CLU: variants seen among roughly 807,000 people sequenced by gnomAD.
CLU encodes the protein aging-associated protein 4.
A neutral mutation model predicts 46.4 loss-of-function variants in CLU; 25 were observed. The observed-to-expected ratio is 0.54, with a 90% CI of 0.39 to 0.75. CLU has a LOEUF of 0.75. CLU is among the 30% of genes least tolerant of loss of function. The pLI, the probability that CLU is intolerant of heterozygous loss-of-function variation, is 0.00. For synonymous variants in CLU, 235 were observed against 235.1 expected, an observed-to-expected ratio of 1.00 and a Z score of 0.00; for missense variants, 504 against 592.1, an observed-to-expected ratio of 0.85 and a Z score of 1.54.
chr8:27,599,730 A>T lies in CLU; in HGVS notation c.1164+50T>A. On this transcript the variant is annotated intron_variant, in intron 7 of 8. Transcript: ENST00000316403. This position sits in a 1 kb window ranked among gnomAD's most constrained non-coding sequence, Gnocchi z 4.0. ...AAAAGCACACATGCCCCTGCTCCCG[A>T]TCACAGCTCGGGCTCCCGAGCCACA... is the stretch of plus-strand genomic sequence containing the variant. The T allele has an allele frequency of 7.1e-7, 1 of 1,405,118 alleles. No homozygotes were observed. Among genetic ancestry groups the T allele is most frequent in the Non-Finnish European group, 9.9e-7 (1 of 1,007,396 alleles). 87.0% of individuals were successfully genotyped at this position (1,405,118 alleles called of 1,614,324 possible).
At chr8:27,604,820 G>T in intron 5 of CLU, 104 bp downstream of exon 5, 2 of 1,303,944 alleles carry the variant, frequency 1.5e-6, no homozygotes, top group Non-Finnish European at 2.2e-6. Flanking sequence ...TCACCCTTGT[G>T]ATATTGCTGG....
At chr8:27,600,033 A>C (rs1419771839) in intron 6 of CLU, 24 bp from the exon 7 acceptor site, 1 of 1,567,978 alleles carries the variant, frequency 6.4e-7, no homozygotes. Context: ...GAAGAAACGC[A>C]AGTGAGAAGT....
intron 3 of CLU, among the ~76,000 whole-genome samples, chr8:27,607,839 C>G (rs1349187152): frequency 6.6e-6 from 1 of 152,224 alleles, no homozygotes; most frequent in African/African-American, 2.4e-5. Context: ...GCAAGGACAA[C>G]CCACCTCCCA....
In CLU at chr8:27,609,103, A is replaced by T; in HGVS notation, c.98-17T>A. On this transcript the variant is annotated splice_polypyrimidine_tract_variant and intron_variant, in intron 2 of 8. Transcript: ENST00000316403. ...TGGACATTTCTGCAAGAGAAGTGCA[A>T]GAGGCAGAATGAGGCGAGAGGAAGA... The T allele has an allele frequency of 1.2e-6, 2 of 1,613,466 alleles. No homozygotes were observed. The highest frequency in any genetic ancestry group is 1.7e-6 in the Non-Finnish European group (2 of 1,180,018).
At chr8:27,608,578 C>T in intron 3 of CLU, 1 of 449,148 alleles carries the variant, frequency 2.2e-6, no homozygotes, top group Non-Finnish European at 4.1e-6. Context: ...CATATCACCC[C>T]TATTAGATAA....
Position 27,599,438 on chromosome 8 carries a change from A to T in CLU, c.1164+342T>A. The stretch of plus-strand genomic sequence containing the variant: ...AGGGCAGCCTTGTAGCTTTGAGAAA[A>T]GAACAGAGGCTTCTGGTTTATTCAC... On this transcript the variant is annotated intron_variant, in intron 7 of 8. Coordinates refer to ENST00000316403, the MANE Select transcript of CLU (RefSeq NM_001831.4). This position sits in a 1 kb window ranked among gnomAD's most constrained non-coding sequence, Gnocchi z 4.0. 3.1e-6 allele frequency: 1 copy of T among 317,500 alleles called. No individual in the cohort carries two copies. Among genetic ancestry groups the T allele is most frequent in the East Asian group, 7.7e-5 (1 of 13,040 alleles). 19.7% of individuals were successfully genotyped at this position (317,500 alleles called of 1,614,324 possible).
chr8:27,598,162 T>G lies in CLU; in HGVS notation c.*79A>C. On this transcript the variant is annotated 3_prime_UTR_variant, in exon 9 of 9. Transcript: ENST00000316403. ...CTGGTTACTTGGTGACGTGCAGAGC[T>G]CTCTCTGGGGGGCTGCAGCTCATCT... 6.7e-7 allele frequency: 1 copy of G among 1,490,810 alleles called. No individual in the cohort carries two copies. The highest frequency in any genetic ancestry group is 1.1e-5 in the South Asian group (1 of 87,274). 92.3% of individuals were successfully genotyped at this position (1,490,810 alleles called of 1,614,324 possible).
intron 8 of CLU, 49 bp downstream of exon 8, chr8:27,598,411 A>G (rs771352759): frequency 1.2e-6 from 2 of 1,612,174 alleles, no homozygotes; most frequent in East Asian, 2.2e-5. Flanking sequence ...TGTGGCTCCC[A>G]GAGACTCACT....
At position 27,598,308 on chromosome 8, in the gene CLU, T is replaced by C. The variant is rs912943172; in HGVS notation, c.1341-58A>G. The C allele has an allele frequency of 2.6e-5, 42 of 1,603,108 alleles. No individual in the cohort carries two copies. The East Asian group carries it at 5.4e-4, about 20-fold the overall frequency. On this transcript the variant is annotated intron_variant, in intron 8 of 8. Transcript: ENST00000316403. The stretch of plus-strand genomic sequence containing the variant: ...AACATCCTCCAAAGGAAAAATAAAA[T>C]TCCCCCGTAACTTCCTGGCTTTGTT...
intron 3 of CLU, among the ~76,000 whole-genome samples, chr8:27,608,269 C>T (rs1800857889): frequency 6.6e-6 from 1 of 152,160 alleles, no homozygotes; most frequent in African/African-American, 2.4e-5. Flanking sequence ...TTCTTTACGG[C>T]AGAACTTCTC....
At chr8:27,600,581 A>G (rs1800702035) in intron 6 of CLU, among the ~76,000 whole-genome samples, 1 of 152,156 alleles carries the variant, frequency 6.6e-6, no homozygotes. Context: ...GCTTCGTAAC[A>G]TCATTGATTT....
intron 6 of CLU, among the ~76,000 whole-genome samples, chr8:27,600,698 C>T (rs912417232): frequency 2.0e-5 from 3 of 152,160 alleles, no homozygotes; most frequent in Admixed American, 6.5e-5. Flanking sequence ...GAGTGGCTCT[C>T]GTTGCCCTAG....
At chr8:27,612,560 G>C (rs1247817152) in intron 1 of CLU, among the ~76,000 whole-genome samples, 1 of 152,152 alleles carries the variant, frequency 6.6e-6, no homozygotes, top group Non-Finnish European at 1.5e-5. Context: ...GCTCTGCTTT[G>C]CTGAAATGAT....
Position 27,598,554 on chromosome 8 carries a change from T to A in CLU, c.1246A>T (p.Thr416Ser). 1 of 1,614,118 alleles carries A rather than the reference T, an allele frequency of 6.2e-7. No individual in the cohort carries two copies. The highest frequency in any genetic ancestry group is 8.5e-7 in the Non-Finnish European group (1 of 1,180,016). ...GAGACTTCTACAGGGACCGTCACAGTGATGGGATCAGAGTCAAAGAGCTTC... is the reference window on the plus strand; with the variant it reads ...GAGACTTCTACAGGGACCGTCACAGAGATGGGATCAGAGTCAAAGAGCTTC... ...VVKLFDSDPI[T>S]VTVPVEVSRK... Residue 416 changes from threonine to serine, a missense_variant, in exon 8 of 9, where the codon ACT becomes TCT. By Grantham distance (58) the Thr-to-Ser change is moderately conservative. This residue lies in a region of CLU where 428 missense variants were observed against 484.0 expected (regional missense o/e 0.88). Coordinates refer to ENST00000316403, the MANE Select transcript of CLU (RefSeq NM_001831.4).
chr8:27,613,964 T>C (rs931195729), intron 1 of CLU: 11 of 152,242 alleles, frequency 7.2e-5, no homozygotes, highest in African/African-American at 2.7e-4. Flanking sequence ...CCAATTCTGA[T>C]ACTTATTTGC....
intron 8 of CLU, 86 bp from the exon 9 acceptor site, chr8:27,598,336 T>TG: frequency 6.3e-7 from 1 of 1,599,946 alleles, no homozygotes; most frequent in Admixed American, 1.7e-5. Context: ...GCTTTGTTCT[T>TG]GGGCTCTGGC....
chr8:27,612,025 G>A (rs1275582033), intron 1 of CLU: 2 of 343,146 alleles, frequency 5.8e-6, no homozygotes, highest in South Asian at 2.3e-5. Flanking sequence ...CAGGGTGCTG[G>A]GCCATGAAGA....
Position 27,598,646 on chromosome 8 carries a change from C to G in CLU, c.1165-11G>C, listed in dbSNP as rs1453203436. On this transcript the variant is annotated splice_polypyrimidine_tract_variant and intron_variant, in intron 7 of 8. Transcript: ENST00000316403. ...AGTGTGGGAAGCCACCTAAATGGAA[C>G]AAGAGAAAAGGGAAGAGCTGAAACA... is the stretch of plus-strand genomic sequence containing the variant. 1.2e-6 allele frequency: 2 copies of G among 1,613,632 alleles called. No individual in the cohort carries two copies. Among genetic ancestry groups the G allele is most frequent in the Non-Finnish European group, 1.7e-6 (2 of 1,179,892 alleles).
intron 8 of CLU, 39 bp downstream of exon 8, chr8:27,598,421 T>G: frequency 6.2e-7 from 1 of 1,611,806 alleles, no homozygotes; most frequent in Non-Finnish European, 8.5e-7. Flanking sequence ...AGAGACTCAC[T>G]GGGCCCTGCA....
Sources: allele counts gnomAD v4.1 joint callset (sites outside exome capture counted in the v4.1 genomes callset), GRCh38; gene constraint gnomAD v4.1.1; regional missense constraint gnomAD v4.1.1; non-coding constraint Gnocchi (gnomAD v3.1); transcripts MANE v1.5; gene names NCBI Gene and HGNC (gene_info 2026-07-23, HGNC 2026-07-21).